Variants in ARSG observed in about 807,000 individuals in gnomAD.
ARSG encodes ASG.
ARSG carries 37 observed loss-of-function variants against 50.5 expected under a neutral mutation model. The ratio of observed to expected loss-of-function variants is 0.73; its 90% CI spans 0.56 to 0.96. The LOEUF is 0.96. Ranked by LOEUF, ARSG falls within the 50% of genes least tolerant of loss-of-function variation. The pLI is 0.00. For missense variants in ARSG, 629 were observed against 675.3 expected (o/e 0.93, Z 0.76); for synonymous variants, 225 against 254.6 (o/e 0.88, Z 1.11).
At chr17:68,427,353 T>G, downstream of ARSG, 6 of 884,578 alleles carry the variant, frequency 6.8e-6, no homozygotes, top group East Asian at 5.0e-5. Flanking sequence ...TGCTCAGCTC[T>G]GTGGGTTATT....
intron 2 of ARSG, among the ~76,000 whole-genome samples, chr17:68,309,180 CGCAGGGCCA>C (rs2076739928): frequency 6.6e-6 from 1 of 152,244 alleles, no homozygotes; most frequent in Admixed American, 6.5e-5. Flanking sequence ...GCCCGGGGCC[CGCAGGGCCA>C]GCTGGCTGCT....
intron 1 of ARSG, among the ~76,000 whole-genome samples, chr17:68,280,595 TGAAACTAAA>T (rs1555752351): frequency 6.6e-6 from 1 of 152,150 alleles, no homozygotes; most frequent in Non-Finnish European, 1.5e-5. Context: ...ATACAAACAA[TGAAACTAAA>T]TCCCCACCTT....
At chr17:68,396,116 C>G (rs1345353299) in intron 10 of ARSG, among the ~76,000 whole-genome samples, 2 of 151,256 alleles carry the variant, frequency 1.3e-5, no homozygotes, top group Non-Finnish European at 2.9e-5. Flanking sequence ...TCAAGCGATT[C>G]TGCTGCCTCA....
chr17:68,396,009 T>TTG (rs2081227717), intron 10 of ARSG, among the ~76,000 whole-genome samples: 2 of 119,138 alleles, frequency 1.7e-5, no homozygotes, highest in African/African-American at 2.7e-5. Context: ...CCTGTTTTTT[T>TTG]TTTTTGTTTT....
At chr17:68,429,130 T>A in the ARSG span, among the ~76,000 whole-genome samples, 4,632 of 152,294 alleles carry the variant, frequency 0.03, 199 homozygotes, top group African/African-American at 0.099. Context: ...GGATTATTTC[T>A]TGTCTTTGAA....
chr17:68,435,836 C>T, the ARSG span: 2 of 849,574 alleles, frequency 2.4e-6, no homozygotes, highest in South Asian at 1.6e-5. Context: ...CTTCCTCTGT[C>T]CCCCAGGCCA....
chr17:68,427,443 G>T (rs762768710), downstream of ARSG: 2 of 413,652 alleles, frequency 4.8e-6, no homozygotes, highest in Non-Finnish European at 8.8e-6. Flanking sequence ...TGCAACCTCC[G>T]CCTCCTGGGT....
chr17:68,417,386 G>A (rs769097511), intron 11 of ARSG, among the ~76,000 whole-genome samples: 17 of 152,180 alleles, frequency 1.1e-4, no homozygotes, highest in Admixed American at 2.6e-4. Flanking sequence ...AGGATGAAGA[G>A]ATTTTTCTCC....
chr17:68,307,498 G>T lies in ARSG; in HGVS notation c.5G>T (p.Gly2Val), dbSNP rs781839382. The stretch of plus-strand genomic sequence containing the variant: ...CGGAATCCTGCCTTCACCACCATGG[G>T]CTGGCTTTTTCTAAAGGTTTTGTTG... M[G>V]WLFLKVLLAG... Residue 2 changes from glycine to valine, a missense_variant, in exon 2 of 12, where the codon GGC (glycine) becomes GTC (valine). Physicochemically the swap from Gly to Val is moderately radical, Grantham distance 109. Coordinates refer to ENST00000621439, the MANE Select transcript of ARSG (RefSeq NM_001267727.2). 1 of 1,613,320 alleles carries T rather than the reference G, an allele frequency of 6.2e-7. No homozygotes were observed. Among genetic ancestry groups the T allele is most frequent in the South Asian group, 1.1e-5 (1 of 91,046 alleles).
chr17:68,353,642 C>T (rs990751194), intron 5 of ARSG, among the ~76,000 whole-genome samples: 1 of 152,196 alleles, frequency 6.6e-6, no homozygotes, highest in African/African-American at 2.4e-5. Flanking sequence ...GTAATCACAC[C>T]TGGCCATATG....
At chr17:68,371,515 C>T (rs1321664748) in intron 8 of ARSG, among the ~76,000 whole-genome samples, 2 of 152,172 alleles carry the variant, frequency 1.3e-5, no homozygotes, top group East Asian at 3.8e-4. Context: ...CTCCCATCTG[C>T]TCTGGGAGAG....
chr17:68,346,696 A>G (rs2078519434), intron 3 of ARSG: 1 of 1,213,712 alleles, frequency 8.2e-7, no homozygotes, highest in South Asian at 1.4e-5. Flanking sequence ...AAGATGATGA[A>G]ACCAGGCAGG....
intron 1 of ARSG, among the ~76,000 whole-genome samples, chr17:68,298,576 C>T (rs139155200): frequency 4.9e-4 from 60 of 122,376 alleles, no homozygotes; most frequent in African/African-American, 1.7e-3. Flanking sequence ...GCCTGGGTGA[C>T]AGAGCGGGAT....
At chr17:68,269,679 T>TTTTTTTTTG (rs1171204157) in intron 1 of ARSG, among the ~76,000 whole-genome samples, 2 of 144,778 alleles carry the variant, frequency 1.4e-5, no homozygotes, top group Admixed American at 7.0e-5. Context: ...TTAGGTTTTT[T>TTTTTTTTTG]TTTTTTTTTT....
At chr17:68,312,134 A>G (rs1555766997) in intron 2 of ARSG, among the ~76,000 whole-genome samples, 1 of 151,990 alleles carries the variant, frequency 6.6e-6, no homozygotes, top group African/African-American at 2.4e-5. Context: ...GCTTGTGGTA[A>G]TTTGTTATGG....
chr17:68,327,945 C>T (rs1442516362), intron 2 of ARSG, among the ~76,000 whole-genome samples: 5 of 152,108 alleles, frequency 3.3e-5, no homozygotes, highest in African/African-American at 1.2e-4. Flanking sequence ...CTGAAGGATG[C>T]AGGAAGTGGC....
At chr17:68,365,791 G>A (rs1326942730) in intron 6 of ARSG, among the ~76,000 whole-genome samples, 1 of 152,100 alleles carries the variant, frequency 6.6e-6, no homozygotes. Flanking sequence ...AAAATGATGG[G>A]CAGTAGCAAG....
At chr17:68,375,488 A>T (rs549972939) in intron 8 of ARSG, among the ~76,000 whole-genome samples, 1 of 152,338 alleles carries the variant, frequency 6.6e-6, no homozygotes, top group East Asian at 1.9e-4. Context: ...AAAATTTGAG[A>T]ACTACCTGTC....
chr17:68,293,374 T>G (rs914286979), intron 1 of ARSG, among the ~76,000 whole-genome samples: 2 of 152,068 alleles, frequency 1.3e-5, no homozygotes, highest in Non-Finnish European at 1.5e-5. Context: ...TGTACTTCAG[T>G]CTCTTGATTT....
Sources: gnomAD v4.1 joint callset for allele counts (sites outside exome capture counted in the v4.1 genomes callset) on GRCh38, gnomAD v4.1.1 for gene constraint, MANE v1.5 for transcripts, NCBI Gene and HGNC (gene_info 2026-07-23, HGNC 2026-07-21) for gene names.